LSP1: variants seen among roughly 807,000 people sequenced by gnomAD.
LSP1 encodes the protein lymphocyte specific protein 1.
Under a neutral mutation model 49.3 loss-of-function variants are expected in LSP1, and 32 were observed. That is an observed-to-expected ratio of 0.65 (90% CI 0.49 to 0.87). LSP1 has a LOEUF of 0.87. Among genes scored for constraint, LSP1 ranks in the 40% least tolerant of loss-of-function variants. The probability of loss-of-function intolerance (pLI) is 0.00; values close to 1 mark genes in which losing one functional copy is unlikely to be tolerated. For missense variants in LSP1, 428 were observed against 442.6 expected, an observed-to-expected ratio of 0.97 and a Z score of 0.30; for synonymous variants, 179 against 178.8, an observed-to-expected ratio of 1.00 and a Z score of -0.01.
intron 1 of LSP1, among the ~76,000 whole-genome samples, chr11:1,860,595 T>C (rs908502235): frequency 4.6e-5 from 7 of 152,168 alleles, no homozygotes; most frequent in African/African-American, 1.7e-4. Context: ...TAAATGCAGA[T>C]GTGATATTTA....
intron 1 of LSP1, among the ~76,000 whole-genome samples, chr11:1,872,773 G>T (rs1469460190): frequency 6.6e-6 from 1 of 151,958 alleles, no homozygotes; most frequent in East Asian, 1.9e-4. Context: ...TTGGGACGGG[G>T]TGTGTGTGGC....
At chr11:1,885,656 C>T (rs1331436177) in intron 7 of LSP1, among the ~76,000 whole-genome samples, 1 of 151,852 alleles carries the variant, frequency 6.6e-6, no homozygotes, top group Non-Finnish European at 1.5e-5. Context: ...TCCATCTAAC[C>T]AGTATCCTTC....
At position 1,889,174 on chromosome 11, in the gene LSP1, G is replaced by A. The variant is rs771482308; in HGVS notation, c.*13+1598G>A. 4.7e-5 allele frequency: 32 copies of A among 674,644 alleles called. 1 individual carries two copies. The highest frequency in any genetic ancestry group is 3.5e-4 in the South Asian group (22 of 62,406). The allele number at this position is 674,644 out of a possible 1,614,324, so 41.8% of individuals were successfully genotyped here. A position where few individuals can be genotyped will look rare whatever the true frequency, so the allele number is the denominator to read the frequency against. On this transcript the variant is annotated intron_variant, in intron 10 of 10. Coordinates refer to ENST00000311604, the MANE Select transcript of LSP1 (RefSeq NM_002339.3). Reference sequence around the variant, plus strand: ...TGGAGCCTCCAGCCAGTCGCTGTGCGGTTGAAGTTCTTGGGCTGGGGGCTC... The same window carrying A: ...TGGAGCCTCCAGCCAGTCGCTGTGCAGTTGAAGTTCTTGGGCTGGGGGCTC...
chr11:1,890,206 G>C (rs1317031143), intron 10 of LSP1: 3 of 716,998 alleles, frequency 4.2e-6, no homozygotes, highest in Admixed American at 2.0e-5. Flanking sequence ...GACTTCTGCA[G>C]GGGTGATGCC....
intron 1 of LSP1, among the ~76,000 whole-genome samples, chr11:1,867,138 G>C (rs750516471): frequency 6.6e-6 from 1 of 152,120 alleles, no homozygotes; most frequent in African/African-American, 2.4e-5. Context: ...GCGGTGGTCA[G>C]CCAGTGGGTT....
At chr11:1,890,574 G>A in intron 10 of LSP1, 2 of 708,740 alleles carry the variant, frequency 2.8e-6, no homozygotes, top group South Asian at 3.0e-5. Context: ...CGACGCAGCC[G>A]ATATGAGCAT....
At position 1,883,534 on chromosome 11, in the gene LSP1, G is replaced by T. The variant is rs747106345; in HGVS notation, c.472G>T (p.Ala158Ser). ...CACTGTCCAGGACAACCTGGGGGCC[G>T]CAGGGGCTGAGGAGGAACAGGAGGA... ...EDTVQDNLGA[A>S]GAEEEQEEHQ... Residue 158 changes from alanine (A) to serine (S), a missense_variant, in exon 4 of 11, where the codon GCA (alanine) becomes TCA (serine). Transcript: ENST00000311604. The T allele has an allele frequency of 7.4e-6, 12 of 1,612,612 alleles. No individual in the cohort carries two copies. Among genetic ancestry groups the T allele is most frequent in the South Asian group, 5.5e-5 (5 of 90,986 alleles).
chr11:1,855,600 C>T lies in LSP1; in HGVS notation c.53+2403C>T, dbSNP rs561977715. Among the ~76,000 whole-genome samples the T allele has an allele frequency of 1.3e-4, 20 of 152,332 alleles. No homozygotes were observed. The East Asian group carries it at 1.5e-3, about 12-fold the overall frequency. ...CCCAGGACAGGACTGTCCTCTCCCACGAGGCCTCAGGCCAAAGAAGGTCCC... is the reference window on the plus strand; with the variant it reads ...CCCAGGACAGGACTGTCCTCTCCCATGAGGCCTCAGGCCAAAGAAGGTCCC... On this transcript the variant is annotated intron_variant, in intron 1 of 10. Coordinates refer to ENST00000311604, the MANE Select transcript of LSP1 (RefSeq NM_002339.3).
intron 1 of LSP1, among the ~76,000 whole-genome samples, chr11:1,857,070 T>C (rs986584972): frequency 6.6e-6 from 1 of 152,136 alleles, no homozygotes; most frequent in Non-Finnish European, 1.5e-5. Flanking sequence ...CTGCCCTGGG[T>C]AAGGGGTCTG....
chr11:1,890,617 A>G (rs1000020674), intron 10 of LSP1: 2 of 689,810 alleles, frequency 2.9e-6, no homozygotes, highest in African/African-American at 1.8e-5. Flanking sequence ...GACAGTGGTC[A>G]GGCCAGCCCT....
intron 1 of LSP1, among the ~76,000 whole-genome samples, chr11:1,863,833 T>C (rs1224163676): frequency 6.6e-6 from 1 of 152,144 alleles, no homozygotes; most frequent in Non-Finnish European, 1.5e-5. Flanking sequence ...GACCATGCTG[T>C]GCCAATACCA....
chr11:1,864,269 A>G (rs1589808799), intron 1 of LSP1: 1 of 987,668 alleles, frequency 1.0e-6, no homozygotes, highest in Non-Finnish European at 1.2e-6. Context: ...GGGGCTGGAC[A>G]AGAACGGCCG....
Position 1,858,148 on chromosome 11 carries a change from G to A in LSP1, c.53+4951G>A, listed in dbSNP as rs1160861354. Among the ~76,000 whole-genome samples the A allele has an allele frequency of 2.6e-5, 4 of 152,228 alleles. No individual in the cohort carries two copies. In the East Asian group the frequency reaches 7.7e-4, roughly 29 times the overall value. ...CTCCCATTTCACAGACGGAAACCGA[G>A]GCTCACAGGGGCCAAGTGCATTGTC... On this transcript the variant is annotated intron_variant, in intron 1 of 10. Transcript: ENST00000311604.
In LSP1 at chr11:1,869,598, G is replaced by T. The variant is rs1227804903; in HGVS notation, c.54-10489G>T. On this transcript the variant is annotated intron_variant, in intron 1 of 10. Coordinates refer to ENST00000311604, the MANE Select transcript of LSP1 (RefSeq NM_002339.3). ...AGGAGGGGTCTCTCCCACGTGGGCCGCACCTAGCAGGTGCCGGGGCAGAAG... is the reference window on the plus strand; with the variant it reads ...AGGAGGGGTCTCTCCCACGTGGGCCTCACCTAGCAGGTGCCGGGGCAGAAG... The T allele has an allele frequency of 1.1e-5, 5 of 469,170 alleles. No homozygotes were observed. The Admixed American group carries it at 1.2e-4, about 11-fold the overall frequency. The allele number at this position is 469,170 out of a possible 1,614,324, so 29.1% of individuals were successfully genotyped here. A position where few individuals can be genotyped will look rare whatever the true frequency, so the allele number is the denominator to read the frequency against.
chr11:1,870,479 C>G (rs1389643231), intron 1 of LSP1: 13 of 1,196,160 alleles, frequency 1.1e-5, no homozygotes, highest in Non-Finnish European at 1.4e-5. Flanking sequence ...CGGGGAGGGG[C>G]CGGTGGCCAG....
intron 1 of LSP1, chr11:1,871,281 C>CCACG (rs1157802075): frequency 1.0e-6 from 1 of 986,668 alleles, no homozygotes; most frequent in Non-Finnish European, 1.2e-6. Flanking sequence ...GCAGGGCCAC[C>CCACG]CACGAGCAGG....
intron 10 of LSP1, chr11:1,890,551 C>T (rs1848956952): frequency 1.4e-6 from 1 of 713,050 alleles, no homozygotes. Context: ...GGGCCGCACA[C>T]CTCGGGTGCC....
rs768721040 is a variant in LSP1 at position 1,883,425 on chromosome 11, C to A, written c.363C>A (p.Gly121=). The A allele has an allele frequency of 6.2e-7, 1 of 1,614,040 alleles. No individual in the cohort carries two copies. The highest frequency in any genetic ancestry group is 8.5e-7 in the Non-Finnish European group (1 of 1,179,992). The change falls in exon 4 of 11, where the codon GGC becomes GGA. Residue 121 remains glycine (G), a synonymous_variant. Coordinates refer to ENST00000311604, the MANE Select transcript of LSP1 (RefSeq NM_002339.3). ...CCTCCCTTTCCACCCACAGGCCCGGCCTGCATGCCTACGAAAAGGAGGACA... is the reference window on the plus strand; with the variant it reads ...CCTCCCTTTCCACCCACAGGCCCGGACTGCATGCCTACGAAAAGGAGGACA... The part of the protein sequence containing the change: ...SPEGEQEDRP[G]LHAYEKEDSD...
chr11:1,889,335 A>G, intron 10 of LSP1: 1 of 710,890 alleles, frequency 1.4e-6, no homozygotes, highest in South Asian at 1.5e-5. Context: ...GGGCCCTGCC[A>G]GGCGCCCTTG....
Sources: gnomAD v4.1 joint callset for allele counts (sites outside exome capture counted in the v4.1 genomes callset) on GRCh38, gnomAD v4.1.1 for gene constraint, MANE v1.5 for transcripts, NCBI Gene and HGNC (gene_info 2026-07-23, HGNC 2026-07-21) for gene names.